Variants in INPP4A observed in about 807,000 individuals in gnomAD.
INPP4A encodes the protein inositol polyphosphate-4-phosphatase type I A, also known as inositol polyphosphate-4-phosphatase, type I, 107kD.
A neutral mutation model predicts 119.8 loss-of-function variants in INPP4A; 33 were observed. That is an observed-to-expected ratio of 0.28 (90% confidence interval 0.21 to 0.37). INPP4A has a LOEUF of 0.37. Ranked by LOEUF, INPP4A falls within the 10% of genes least tolerant of loss-of-function variation. The pLI is 1.00. For missense variants in INPP4A, 956 were observed against 1,289.9 expected, an observed-to-expected ratio of 0.74 and a Z score of 3.97; for synonymous variants, 496 against 500.7, an observed-to-expected ratio of 0.99 and a Z score of 0.12.
chr2:98,533,571 C>T, intron 5 of INPP4A, 76 bp downstream of exon 5: 2 of 861,376 alleles, frequency 2.3e-6, no homozygotes, highest in Admixed American at 3.6e-5. Context: ...TGTTCAGTTA[C>T]TTGTGCATCT....
intron 13 of INPP4A, among the ~76,000 whole-genome samples, chr2:98,550,935 G>A (rs1693397613): frequency 6.6e-6 from 1 of 151,942 alleles, no homozygotes; most frequent in Non-Finnish European, 1.5e-5. Flanking sequence ...AAATATTGGG[G>A]GCCTGGGAAG....
chr2:98,544,710 C>G (rs997116367), intron 11 of INPP4A, among the ~76,000 whole-genome samples: 1 of 152,140 alleles, frequency 6.6e-6, no homozygotes, highest in Non-Finnish European at 1.5e-5. Context: ...GGATTCTTCC[C>G]TTTGATTCTT....
chr2:98,573,054 CTG>C (rs1183091536), intron 23 of INPP4A, 127 bp downstream of exon 23: 2 of 698,550 alleles, frequency 2.9e-6, no homozygotes, highest in Non-Finnish European at 4.9e-6. Context: ...GAGGGAGTCA[CTG>C]AGTACGTTCT....
chr2:98,569,921 G>A lies in INPP4A; in HGVS notation c.2518+1253G>A, dbSNP rs925751424. 2 of 152,550 alleles carry A rather than the reference G, an allele frequency of 1.3e-5. No homozygotes were observed. Among genetic ancestry groups the A allele is most frequent in the African/African-American group, 4.8e-5 (2 of 41,426 alleles). 9.4% of individuals were successfully genotyped at this position (152,550 alleles called of 1,614,324 possible). The stretch of plus-strand genomic sequence containing the variant: ...GAGGCTGTGACACTTCAGATGAGAT[G>A]TTGTTTCACTCTGACTCCAGCCTGG... On this transcript the variant is annotated intron_variant, in intron 22 of 24. Transcript: ENST00000409851. This position sits in a 1 kb window ranked among gnomAD's most constrained non-coding sequence, Gnocchi z 5.1.
At chr2:98,575,097 C>T (rs1446510715) in intron 23 of INPP4A, among the ~76,000 whole-genome samples, 1 of 152,212 alleles carries the variant, frequency 6.6e-6, no homozygotes, top group Non-Finnish European at 1.5e-5. Flanking sequence ...GAGCTGCTCT[C>T]CTTTTCAGGC....
intron 1 of INPP4A, among the ~76,000 whole-genome samples, chr2:98,448,243 C>G (rs908391788): frequency 2.0e-5 from 3 of 149,758 alleles, no homozygotes; most frequent in Non-Finnish European, 4.4e-5. Context: ...GTAGTCCGAG[C>G]TACTTGGGAG....
intron 1 of INPP4A, among the ~76,000 whole-genome samples, chr2:98,488,178 T>C (rs1044235284): frequency 1.3e-5 from 2 of 152,158 alleles, no homozygotes; most frequent in African/African-American, 4.8e-5. Flanking sequence ...AGTACTTCCT[T>C]ATTGGCACTG....
rs764101357 is a variant in INPP4A, at chr2:98,566,729, C to G, written c.2420+560C>G. Among the ~76,000 whole-genome samples the G allele has an allele frequency of 2.0e-5, 3 of 152,144 alleles. No homozygotes were observed. Among genetic ancestry groups the G allele is most frequent in the Non-Finnish European group, 2.9e-5 (2 of 68,016 alleles). ...CCCTCCAGGGTCACTTGCCACACTG[C>G]AGAGGGGAGTTGTGTGTGCCTGTGT... On this transcript the variant is annotated intron_variant, in intron 21 of 24. Coordinates refer to ENST00000409851, the MANE Select transcript of INPP4A (RefSeq NM_001134225.2). This position sits in a 1 kb window ranked among gnomAD's most constrained non-coding sequence, Gnocchi z 4.2.
rs1231718743 is a variant in INPP4A, at chr2:98,570,150, A to G, written c.2518+1482A>G. On this transcript the variant is annotated intron_variant, in intron 22 of 24. Coordinates refer to ENST00000409851, the MANE Select transcript of INPP4A (RefSeq NM_001134225.2). The surrounding 1 kb of genome is among the most constrained non-coding windows in gnomAD (Gnocchi z 4.3). ...CCGCTGATGAGAGAGGCGCAGGGCT[A>G]CAGGGGACCGACAGCGAGTGCAGCA... Among the ~76,000 whole-genome samples, 1 of 152,178 alleles carries G rather than the reference A, an allele frequency of 6.6e-6. No homozygotes were observed. Among genetic ancestry groups the G allele is most frequent in the Non-Finnish European group, 1.5e-5 (1 of 68,032 alleles).
At chr2:98,526,786 G>A (rs1273296146) in intron 4 of INPP4A, among the ~76,000 whole-genome samples, 2 of 152,196 alleles carry the variant, frequency 1.3e-5, no homozygotes, top group African/African-American at 4.8e-5. Flanking sequence ...CTTCTGGTGA[G>A]CCCTCAGGGA....
chr2:98,476,141 G>C (rs1347217723), intron 1 of INPP4A, among the ~76,000 whole-genome samples: 1 of 152,182 alleles, frequency 6.6e-6, no homozygotes, highest in Admixed American at 6.5e-5. Flanking sequence ...ATTAGAATGG[G>C]TACATAGGAT....
At position 98,563,598 on chromosome 2, in the gene INPP4A, G is replaced by C; in HGVS notation, c.1989G>C (p.Leu663=). The C allele has an allele frequency of 6.2e-7, 1 of 1,613,434 alleles. No individual in the cohort carries two copies. Among genetic ancestry groups the C allele is most frequent in the Non-Finnish European group, 8.5e-7 (1 of 1,179,882 alleles). Residue 663 remains leucine (L), a synonymous_variant, in exon 18 of 25, where the codon CTG becomes CTC. Transcript: ENST00000409851. ...QDSAPTIATY[L]SLQYRRDVVF... is the part of the protein sequence containing the mutation. ...GCGCGCCCACCATAGCCACCTACCT[G>C]AGCCTGCAGTACCGCCGTGACGTGG... is the stretch of plus-strand genomic sequence containing the variant.
At chr2:98,542,056 C>T (rs898628195) in intron 10 of INPP4A, among the ~76,000 whole-genome samples, 3 of 152,154 alleles carry the variant, frequency 2.0e-5, no homozygotes, top group Admixed American at 6.5e-5. Flanking sequence ...GATGTTTCAG[C>T]GTGTGCTGGA....
intron 1 of INPP4A, among the ~76,000 whole-genome samples, chr2:98,478,065 G>A (rs189879504): frequency 3.9e-5 from 6 of 152,326 alleles, no homozygotes; most frequent in Admixed American, 2.6e-4. Context: ...GGTCTATTTT[G>A]TAGCCTATTG....
chr2:98,576,330 G>T (rs1401873434), intron 23 of INPP4A, among the ~76,000 whole-genome samples: 4 of 152,170 alleles, frequency 2.6e-5, no homozygotes, highest in Admixed American at 2.6e-4. Flanking sequence ...TCCAGAGGCT[G>T]CCCTGCCCCC....
intron 22 of INPP4A, among the ~76,000 whole-genome samples, chr2:98,571,191 C>T (rs934831363): frequency 6.6e-6 from 1 of 152,234 alleles, no homozygotes; most frequent in Non-Finnish European, 1.5e-5. Flanking sequence ...CTACTATCCA[C>T]TTTATGTGGA....
chr2:98,460,100 C>CGTGTGTGTGTGTGTGTGT (rs3066275), intron 1 of INPP4A, among the ~76,000 whole-genome samples: 97 of 147,108 alleles, frequency 6.6e-4, no homozygotes, highest in African/African-American at 2.1e-3. Flanking sequence ...GTTTGGTCAT[C>CGTGTGTGTGTGTGTGTGT]GTGTGTGTGT....
chr2:98,451,938 G>T (rs1265102146), intron 1 of INPP4A, among the ~76,000 whole-genome samples: 2 of 152,202 alleles, frequency 1.3e-5, no homozygotes, highest in African/African-American at 4.8e-5. Flanking sequence ...GTTGCCAACA[G>T]TGACATTTAT....
At chr2:98,500,715 A>G (rs1417826814) in intron 1 of INPP4A, among the ~76,000 whole-genome samples, 2 of 152,214 alleles carry the variant, frequency 1.3e-5, no homozygotes, top group East Asian at 3.9e-4. Context: ...TAAACTGGCC[A>G]GGACAATCAG....
Sources: gnomAD v4.1 joint callset for allele counts (sites outside exome capture counted in the v4.1 genomes callset) on GRCh38, gnomAD v4.1.1 for gene constraint, Gnocchi (gnomAD v3.1) non-coding constraint, MANE v1.5 for transcripts, NCBI Gene and HGNC (gene_info 2026-07-23, HGNC 2026-07-21) for gene names.